ANXA6: variants seen among roughly 807,000 people sequenced by gnomAD.
ANXA6 encodes 67 kDa calelectrin.
ANXA6 carries 71 observed loss-of-function variants against 95.4 expected under a neutral mutation model. The ratio of observed to expected loss-of-function variants is 0.74; its 90% confidence interval spans 0.61 to 0.91. The LOEUF is 0.91. ANXA6 is among the 40% of genes least tolerant of loss of function. The pLI, the probability that ANXA6 is intolerant of heterozygous loss-of-function variation, is 0.00. For synonymous variants in ANXA6, 289 were observed against 315.9 expected (o/e 0.91, Z 0.90); for missense variants, 830 against 876.4 (o/e 0.95, Z 0.67).
At chr5:151,138,875 A>C (rs1291559210) in intron 4 of ANXA6, 84 bp from the exon 5 acceptor site, 5 of 920,688 alleles carry the variant, frequency 5.4e-6, no homozygotes, top group Non-Finnish European at 8.7e-6. Context: ...ATGAGCACTT[A>C]CTCTGGCAGG....
At chr5:151,121,043 C>T (rs1765154036) in intron 17 of ANXA6, among the ~76,000 whole-genome samples, 1 of 152,198 alleles carries the variant, frequency 6.6e-6, no homozygotes, top group Non-Finnish European at 1.5e-5. Flanking sequence ...AGATCGTTTG[C>T]TTTTTGGCTT....
In ANXA6 at chr5:151,129,458, A is replaced by G; in HGVS notation, c.867T>C (p.Ile289=). 2 of 1,613,328 alleles carry G rather than the reference A, an allele frequency of 1.2e-6. No individual in the cohort carries two copies. Among genetic ancestry groups the G allele is most frequent in the Non-Finnish European group, 1.7e-6 (2 of 1,179,816 alleles). The change falls in exon 12 of 26, where the codon ATT becomes ATC. Residue 289 remains isoleucine (I), a synonymous_variant. Coordinates refer to ENST00000354546, the MANE Select transcript of ANXA6 (RefSeq NM_001155.5). The part of the protein sequence containing the change: ...VSRSELDMLD[I]REIFRTKYEK... The stretch of plus-strand genomic sequence containing the variant: ...CATACTTGGTCCGGAAGATCTCCCG[A>G]ATGTCGAGCATGTCCAACTCACTAC...
At chr5:151,125,176 G>A (rs940875954) in intron 14 of ANXA6, among the ~76,000 whole-genome samples, 1 of 152,036 alleles carries the variant, frequency 6.6e-6, no homozygotes, top group Non-Finnish European at 1.5e-5. Context: ...AGGCAACATG[G>A]TGAAACCCTG....
At position 151,136,273 on chromosome 5, in the gene ANXA6, G is replaced by T. The variant is rs770965525; in HGVS notation, c.472C>A (p.Leu158Ile). ...GAACCAACCTGGAGCAGGACCACAA[G>T]CATCTTCTGGAAGTGGCCAGAGGTG... ...GDTSGHFQKMLVVLLQGTREE... is the reference protein window; with the variant it reads ...GDTSGHFQKMIVVLLQGTREE... Residue 158 changes from leucine (L) to isoleucine (I), a missense_variant, in exon 7 of 26, where the codon CTT (leucine) becomes ATT (isoleucine). Coordinates refer to ENST00000354546, the MANE Select transcript of ANXA6 (RefSeq NM_001155.5). 3.1e-6 allele frequency: 5 copies of T among 1,613,976 alleles called. No homozygotes were observed. The highest frequency in any genetic ancestry group is 4.2e-6 in the Non-Finnish European group (5 of 1,179,876).
chr5:151,101,550 A>C (rs142283911), intron 25 of ANXA6, 43 bp from the exon 26 acceptor site: 121 of 1,513,146 alleles, frequency 8.0e-5, no homozygotes, highest in Admixed American at 4.5e-4. Flanking sequence ...CAGTCCTTCC[A>C]GTCTCAATGC....
At chr5:151,116,761 C>G (rs1214496607) in intron 20 of ANXA6, among the ~76,000 whole-genome samples, 8 of 152,332 alleles carry the variant, frequency 5.3e-5, no homozygotes, top group Admixed American at 6.5e-5. Context: ...CTCTTCTCAG[C>G]AAGTTCCCAG....
At chr5:151,138,971 A>G (rs3815725) in intron 4 of ANXA6, 180 bp from the exon 5 acceptor site, 346,446 of 616,356 alleles carry the variant, frequency 0.56, 100,239 homozygotes, top group East Asian at 0.8. Context: ...GAAACAACAG[A>G]GGTCTTACTC....
chr5:151,127,928 A>G (rs1765372971), intron 13 of ANXA6, among the ~76,000 whole-genome samples: 1 of 152,130 alleles, frequency 6.6e-6, no homozygotes, highest in Non-Finnish European at 1.5e-5. Flanking sequence ...CCCCAGACTG[A>G]CTTTCCAAGT....
rs534716690 is a variant in ANXA6, at chr5:151,127,340, C to G, written c.977+841G>C. ...CCAGAGAAAGGAAATCAGAGCGCAG[C>G]CTGTTCCCTTTCTCAAACACAAATC... On this transcript the variant is annotated intron_variant, in intron 13 of 25. Coordinates refer to ENST00000354546, the MANE Select transcript of ANXA6 (RefSeq NM_001155.5). Among the ~76,000 whole-genome samples, 3 of 152,352 alleles carry G rather than the reference C, an allele frequency of 2.0e-5. No homozygotes were observed. In the South Asian group the frequency reaches 6.2e-4, roughly 32 times the overall value.
chr5:151,148,597 T>A (rs114910700), intron 1 of ANXA6, among the ~76,000 whole-genome samples: 3,140 of 152,334 alleles, frequency 0.021, 104 homozygotes, highest in African/African-American at 0.071. Flanking sequence ...AGCAATTTTT[T>A]AAATTCTGTT....
chr5:151,145,357 C>G (rs1222014824), intron 2 of ANXA6, among the ~76,000 whole-genome samples: 1 of 152,244 alleles, frequency 6.6e-6, no homozygotes, highest in Admixed American at 6.5e-5. Flanking sequence ...GGCACAAGCA[C>G]CTGCCTATCC....
At chr5:151,157,134 G>A (rs1429390867) in intron 1 of ANXA6, among the ~76,000 whole-genome samples, 1 of 152,150 alleles carries the variant, frequency 6.6e-6, no homozygotes, top group East Asian at 1.9e-4. Flanking sequence ...CAAAGGGGAT[G>A]GGGTCCAATG....
chr5:151,110,908 A>G (rs1764830694), intron 20 of ANXA6, among the ~76,000 whole-genome samples: 1 of 152,184 alleles, frequency 6.6e-6, no homozygotes, highest in African/African-American at 2.4e-5. Context: ...TTGAAGGGTA[A>G]GAGAAAGACA....
chr5:151,120,795 T>G (rs1765147010), intron 17 of ANXA6, among the ~76,000 whole-genome samples: 1 of 152,196 alleles, frequency 6.6e-6, no homozygotes, highest in South Asian at 2.1e-4. Context: ...GCTCTAATGG[T>G]CCTGCCTTCT....
rs78536762 is a variant in ANXA6 at position 151,132,576 on chromosome 5, G to A, written c.641-5C>T. On this transcript the variant is annotated splice_region_variant and splice_polypyrimidine_tract_variant and intron_variant, in intron 9 of 25. Coordinates refer to ENST00000354546, the MANE Select transcript of ANXA6 (RefSeq NM_001155.5). ...TCTTCAGATACTCATCGAACACTGC[G>A]TCAGACAGAGAGACAGGGAGGTTTG... The A allele has an allele frequency of 2.8e-4, 457 of 1,611,068 alleles. 2 individuals carry two copies. The East Asian group carries it at 3.5e-3, about 12-fold the overall frequency.
intron 14 of ANXA6, among the ~76,000 whole-genome samples, chr5:151,125,812 A>T (rs550352781): frequency 6.6e-6 from 1 of 152,276 alleles, no homozygotes; most frequent in Non-Finnish European, 1.5e-5. Context: ...GATCACCGAG[A>T]TTGCCATGTT....
intron 23 of ANXA6, 145 bp downstream of exon 23, chr5:151,108,310 C>T (rs1764754629): frequency 1.4e-6 from 1 of 727,756 alleles, no homozygotes; most frequent in Non-Finnish European, 2.5e-6. Context: ...TGCACAATCA[C>T]ACATTTGGCA....
At position 151,119,503 on chromosome 5, in the gene ANXA6, C is replaced by A. The variant is rs970110666; in HGVS notation, c.1348-113G>T. 6.8e-6 allele frequency: 6 copies of A among 879,448 alleles called. No homozygotes were observed. In the African/African-American group the frequency reaches 9.9e-5, roughly 15 times the overall value. 54.5% of individuals were successfully genotyped at this position (879,448 alleles called of 1,614,324 possible). A position where few individuals can be genotyped will look rare whatever the true frequency, so the allele number is the denominator to read the frequency against. ...CAAGCATTCCTGGATTTTCTCCTCA[C>A]CTCCAGACATGGCCCTCAGGCCCAA... On this transcript the variant is annotated intron_variant, in intron 17 of 25. Transcript: ENST00000354546.
chr5:151,101,533 G>A (rs1164009366), intron 25 of ANXA6, 26 bp from the exon 26 acceptor site: 2 of 1,551,272 alleles, frequency 1.3e-6, no homozygotes, highest in Non-Finnish European at 8.7e-7. Context: ...AGCAGAGTGA[G>A]TGAAAACAGT....
Sources: allele counts gnomAD v4.1 joint callset (sites outside exome capture counted in the v4.1 genomes callset), GRCh38; gene constraint gnomAD v4.1.1; transcripts MANE v1.5; gene names NCBI Gene and HGNC (gene_info 2026-07-23, HGNC 2026-07-21).